Variants in THADA observed in about 807,000 individuals in gnomAD.
THADA encodes the protein THADA armadillo repeat containing.
Under a neutral mutation model 219.8 loss-of-function variants are expected in THADA, and 213 were observed. The ratio of observed to expected loss-of-function variants is 0.97; its 90% CI spans 0.87 to 1.09. The LOEUF (loss-of-function observed/expected upper bound fraction) is 1.09, where lower values mean the gene tolerates loss of function less well. Ranked by LOEUF, THADA falls within the 50% of genes least tolerant of loss-of-function variation. The pLI is 0.00. For missense variants in THADA, 2,956 were observed against 2,311.3 expected, an observed-to-expected ratio of 1.28 and a Z score of -5.72; for synonymous variants, 1,018 against 828.9, an observed-to-expected ratio of 1.23 and a Z score of -3.92.
intron 20 of THADA, among the ~76,000 whole-genome samples, chr2:43,548,301 G>T (rs1324355715): frequency 6.6e-6 from 1 of 152,148 alleles, no homozygotes; most frequent in African/African-American, 2.4e-5. Context: ...CAGTTAGGCT[G>T]CTCAGGGTTC....
chr2:43,424,736 C>A (rs1198398196), intron 28 of THADA, among the ~76,000 whole-genome samples: 1 of 152,100 alleles, frequency 6.6e-6, no homozygotes, highest in African/African-American at 2.4e-5. Context: ...TGATGAAACC[C>A]CAAACTAACT....
intron 15 of THADA, 68 bp downstream of exon 15, chr2:43,566,630 A>G (rs1243557100): frequency 6.5e-7 from 1 of 1,548,238 alleles, no homozygotes; most frequent in Admixed American, 1.7e-5. Context: ...CAAATAAAGC[A>G]AAATGTAGAA....
At chr2:43,431,307 C>A (rs1237900662) in intron 26 of THADA, among the ~76,000 whole-genome samples, 1 of 152,150 alleles carries the variant, frequency 6.6e-6, no homozygotes, top group Non-Finnish European at 1.5e-5. Flanking sequence ...GTAATCCACA[C>A]CCCTATCAAG....
At chr2:43,293,319 C>T (rs550268464) in intron 31 of THADA, 106 bp from the exon 32 acceptor site, 53 of 1,277,988 alleles carry the variant, frequency 4.1e-5, no homozygotes, top group Non-Finnish European at 5.4e-5. Context: ...CATCAGATGT[C>T]TCCCATAAGC....
At chr2:43,287,133 C>A (rs1674127199) in intron 34 of THADA, 72 bp from the exon 35 acceptor site, 2 of 1,421,052 alleles carry the variant, frequency 1.4e-6, no homozygotes, top group South Asian at 1.3e-5. Flanking sequence ...TAGGGGTGAC[C>A]TACACCAAAC....
chr2:43,575,104 T>A, intron 10 of THADA, 77 bp from the exon 11 acceptor site: 1 of 1,082,628 alleles, frequency 9.2e-7, no homozygotes, highest in Admixed American at 2.6e-5. Context: ...AATTTAGACT[T>A]TAAAAATATT....
At chr2:43,530,324 A>T (rs1693704668) in intron 21 of THADA, among the ~76,000 whole-genome samples, 1 of 152,192 alleles carries the variant, frequency 6.6e-6, no homozygotes, top group African/African-American at 2.4e-5. Flanking sequence ...TCAATGTGGT[A>T]ATTTCAGAGC....
intron 22 of THADA, among the ~76,000 whole-genome samples, chr2:43,521,240 G>A (rs1464451987): frequency 8.2e-6 from 1 of 121,466 alleles, no homozygotes; most frequent in East Asian, 2.0e-4. Flanking sequence ...AAGAAGGCAG[G>A]CAGGCAGGCA....
At chr2:43,281,787 T>C (rs1029726072) in intron 35 of THADA, among the ~76,000 whole-genome samples, 2 of 151,730 alleles carry the variant, frequency 1.3e-5, no homozygotes, top group African/African-American at 4.8e-5. Flanking sequence ...ACCTTTTTCA[T>C]TGAGATGGGG....
intron 29 of THADA, among the ~76,000 whole-genome samples, chr2:43,382,419 T>C (rs954602817): frequency 1.3e-5 from 2 of 152,216 alleles, no homozygotes; most frequent in Admixed American, 6.5e-5. Flanking sequence ...AGACAGTGAC[T>C]ATCAGATTGC....
chr2:43,485,425 G>A (rs899753128), intron 25 of THADA, 100 bp from the exon 26 acceptor site: 1 of 816,566 alleles, frequency 1.2e-6, no homozygotes, highest in Non-Finnish European at 2.0e-6. Flanking sequence ...TTACCTAACT[G>A]GCTAGTGTGA....
intron 27 of THADA, among the ~76,000 whole-genome samples, chr2:43,430,005 C>T (rs765116504): frequency 1.3e-5 from 2 of 151,916 alleles, no homozygotes; most frequent in Non-Finnish European, 2.9e-5. Context: ...CCCATCTCTA[C>T]AAAAAATACA....
At chr2:43,431,233 C>G (rs887496084) in intron 26 of THADA, among the ~76,000 whole-genome samples, 1 of 152,066 alleles carries the variant, frequency 6.6e-6, no homozygotes, top group African/African-American at 2.4e-5. Flanking sequence ...AAAACTGAAA[C>G]GTTTTTACAC....
intron 26 of THADA, among the ~76,000 whole-genome samples, chr2:43,464,262 T>C (rs1389380235): frequency 6.6e-6 from 1 of 152,054 alleles, no homozygotes; most frequent in African/African-American, 2.4e-5. Context: ...AACAAAGGAA[T>C]CTAAAACTTT....
Position 43,581,805 on chromosome 2 carries a change from G to C in THADA, c.657C>G (p.Ser219=), listed in dbSNP as rs758392011. The C allele has an allele frequency of 6.8e-6, 11 of 1,612,740 alleles. No homozygotes were observed. Among genetic ancestry groups the C allele is most frequent in the Non-Finnish European group, 9.3e-6 (11 of 1,179,650 alleles). ...QDFQGNLWKT[S]DSPIWQNMCG... ...ACATATTTTGCCATATGGGAGAATC[G>C]GAAGTCTTCCAAAGATTTCCCTGGA... Residue 219 remains serine, a synonymous_variant, in exon 8 of 38, where the codon TCC becomes TCG. Coordinates refer to ENST00000405975, the MANE Select transcript of THADA (RefSeq NM_022065.5).
At chr2:43,501,121 C>T (rs1688895773) in intron 24 of THADA, among the ~76,000 whole-genome samples, 1 of 151,684 alleles carries the variant, frequency 6.6e-6, no homozygotes, top group South Asian at 2.1e-4. Flanking sequence ...GCCCGGCCAA[C>T]ATGGTGAAAT....
At position 43,581,727 on chromosome 2, in the gene THADA, T is replaced by G. The variant is rs1256137528; in HGVS notation, c.721+14A>C. On this transcript the variant is annotated intron_variant, in intron 8 of 37. Transcript: ENST00000405975. ...TCAATTATATATCATTTGTATATAA[T>G]TTGTTACACTTACCATCGCTTAAAA... 15 of 1,600,822 alleles carry G rather than the reference T, an allele frequency of 9.4e-6. No homozygotes were observed. Among genetic ancestry groups the G allele is most frequent in the Non-Finnish European group, 1.3e-5 (15 of 1,175,324 alleles).
chr2:43,581,504 A>C (rs2104095925), intron 8 of THADA, among the ~76,000 whole-genome samples: 1 of 148,852 alleles, frequency 6.7e-6, no homozygotes, highest in Non-Finnish European at 1.5e-5. Context: ...ACATCACGCC[A>C]CTACACTCCA....
chr2:43,306,815 A>T (rs1426608319), intron 31 of THADA, among the ~76,000 whole-genome samples: 3 of 152,174 alleles, frequency 2.0e-5, no homozygotes, highest in Admixed American at 2.0e-4. Context: ...GGGAGTCAGG[A>T]TCCAGCTGCT....
Sources: allele counts gnomAD v4.1 joint callset (sites outside exome capture counted in the v4.1 genomes callset), GRCh38; gene constraint gnomAD v4.1.1; transcripts MANE v1.5; gene names NCBI Gene and HGNC (gene_info 2026-07-23, HGNC 2026-07-21).